GPC6: variants seen among roughly 807,000 people sequenced by gnomAD.
GPC6 encodes glypican 6, also known as glypican-6.
A neutral mutation model predicts 55.2 loss-of-function variants in GPC6; 14 were observed. The observed-to-expected ratio is 0.25, with a 90% CI of 0.17 to 0.40. The LOEUF is 0.40. Among genes scored for constraint, GPC6 ranks in the 10% least tolerant of loss-of-function variants. GPC6 has a pLI of 1.00. For missense variants in GPC6, 641 were observed against 708.5 expected (o/e 0.90, Z 1.08); for synonymous variants, 278 against 259.6 (o/e 1.07, Z -0.68).
chr13:93,375,054 T>C (rs889546352), intron 1 of GPC6, among the ~76,000 whole-genome samples: 1 of 152,222 alleles, frequency 6.6e-6, no homozygotes, highest in Admixed American at 6.5e-5. Context: ...TTTAATTGCT[T>C]CGTGCCACTT....
At position 93,766,441 on chromosome 13, in the gene GPC6, T is replaced by C. The variant is rs1005951953; in HGVS notation, c.320-63713T>C. Among the ~76,000 whole-genome samples, 3 of 152,310 alleles carry C rather than the reference T, an allele frequency of 2.0e-5. No individual in the cohort carries two copies. The East Asian group carries it at 5.8e-4, about 29-fold the overall frequency. ...GCATTGTGCCCATCGTTAACAATAC[T>C]ATATTGTGCATTTAAAATTTTGTTA... is the stretch of plus-strand genomic sequence containing the variant. On this transcript the variant is annotated intron_variant, in intron 2 of 8. Coordinates refer to ENST00000377047, the MANE Select transcript of GPC6 (RefSeq NM_005708.5).
At chr13:94,085,321 C>CAAAAAAAAA (rs33967804) in intron 4 of GPC6, among the ~76,000 whole-genome samples, 1 of 87,078 alleles carries the variant, frequency 1.1e-5, no homozygotes, top group African/African-American at 4.3e-5. Context: ...GATTCTGTCT[C>CAAAAAAAAA]AAAAAAAAAA....
At chr13:93,767,490 G>C (rs1045174812) in intron 2 of GPC6, among the ~76,000 whole-genome samples, 1 of 152,232 alleles carries the variant, frequency 6.6e-6, no homozygotes, top group East Asian at 1.9e-4. Context: ...TTATCAGTCA[G>C]AAAATTCTCT....
chr13:94,317,946 A>G (rs1215677930), intron 6 of GPC6, among the ~76,000 whole-genome samples: 3 of 152,164 alleles, frequency 2.0e-5, no homozygotes, highest in African/African-American at 7.2e-5. Flanking sequence ...CAACTCAGAG[A>G]TTGTTACAAT....
chr13:94,024,831 G>A (rs1882832413), intron 3 of GPC6, among the ~76,000 whole-genome samples: 1 of 152,134 alleles, frequency 6.6e-6, no homozygotes, highest in African/African-American at 2.4e-5. Context: ...ACAATTGAAT[G>A]CTAAGATGTA....
chr13:93,807,582 C>T (rs530790970), intron 2 of GPC6, among the ~76,000 whole-genome samples: 39 of 152,288 alleles, frequency 2.6e-4, no homozygotes, highest in East Asian at 5.8e-4. Context: ...AACAAGTTTC[C>T]GGTTGGTTCT....
intron 3 of GPC6, among the ~76,000 whole-genome samples, chr13:93,877,050 G>A (rs1874633641): frequency 6.6e-6 from 1 of 152,000 alleles, no homozygotes; most frequent in Non-Finnish European, 1.5e-5. Context: ...ACAAATTGTA[G>A]GAATGGGTAT....
chr13:93,317,785 A>C (rs1594092807), intron 1 of GPC6, among the ~76,000 whole-genome samples: 1 of 152,164 alleles, frequency 6.6e-6, no homozygotes, highest in East Asian at 1.9e-4. Context: ...TTGAAATCCA[A>C]CATCAAGTAT....
At chr13:93,493,554 C>T (rs1234342239) in intron 1 of GPC6, among the ~76,000 whole-genome samples, 2 of 121,808 alleles carry the variant, frequency 1.6e-5, no homozygotes, top group Non-Finnish European at 3.5e-5. Flanking sequence ...TTATTTCTTG[C>T]CTTCTGCTAG....
chr13:94,135,029 G>A (rs959296378), intron 4 of GPC6, among the ~76,000 whole-genome samples: 29 of 152,138 alleles, frequency 1.9e-4, no homozygotes, highest in African/African-American at 6.5e-4. Context: ...AATAGCCGTT[G>A]CCTCTCATAA....
intron 2 of GPC6, among the ~76,000 whole-genome samples, chr13:93,713,771 TATG>T (rs1422395192): frequency 1.3e-5 from 2 of 151,724 alleles, no homozygotes; most frequent in Non-Finnish European, 3.0e-5. Context: ...TACAGCAGTT[TATG>T]ATATTTTTAT....
chr13:93,530,692 A>G (rs1881832633), intron 1 of GPC6, among the ~76,000 whole-genome samples: 1 of 152,196 alleles, frequency 6.6e-6, no homozygotes, highest in African/African-American at 2.4e-5. Flanking sequence ...ATAAATTTAC[A>G]ATTAAATTAT....
chr13:94,040,108 T>C (rs1392409784), intron 4 of GPC6, among the ~76,000 whole-genome samples: 1 of 151,906 alleles, frequency 6.6e-6, no homozygotes, highest in African/African-American at 2.4e-5. Context: ...GTTATGACTT[T>C]TTGCAATTCT....
chr13:93,454,817 G>C (rs2813622), intron 1 of GPC6, among the ~76,000 whole-genome samples: 93,801 of 152,156 alleles, frequency 0.62, 30,070 homozygotes, highest in Middle Eastern at 0.75. Context: ...GTCGATGGGA[G>C]TGGGCGCCCT....
At chr13:93,428,089 A>G (rs1877217070) in intron 1 of GPC6, among the ~76,000 whole-genome samples, 1 of 152,162 alleles carries the variant, frequency 6.6e-6, no homozygotes, top group Non-Finnish European at 1.5e-5. Flanking sequence ...GTACCATCCT[A>G]GTTTTTGGAT....
intron 4 of GPC6, among the ~76,000 whole-genome samples, chr13:94,113,151 G>A (rs1346191709): frequency 6.6e-6 from 1 of 152,116 alleles, no homozygotes; most frequent in Non-Finnish European, 1.5e-5. Context: ...CATTCTGATG[G>A]AGCAGGTCAC....
intron 1 of GPC6, among the ~76,000 whole-genome samples, chr13:93,469,399 G>A (rs773304783): frequency 2.6e-5 from 4 of 152,052 alleles, no homozygotes; most frequent in Non-Finnish European, 5.9e-5. Flanking sequence ...GGATAAATAA[G>A]TTCATTGCAG....
In GPC6 at chr13:93,358,117, C is replaced by T. The variant is rs147862108; in HGVS notation, c.160+130501C>T. 2.4e-3 allele frequency among the ~76,000 whole-genome samples: 366 copies of T among 152,220 alleles called. 4 individuals carry two copies. Among genetic ancestry groups the T allele is most frequent in the African/African-American group, 8.4e-3 (349 of 41,534 alleles). ...AATCCAGCATTTTGGGAGGCCAAGGCGGGAAGATCACTTCCATTCAGGAGT... is the reference window on the plus strand; with the variant it reads ...AATCCAGCATTTTGGGAGGCCAAGGTGGGAAGATCACTTCCATTCAGGAGT... On this transcript the variant is annotated intron_variant, in intron 1 of 8. Coordinates refer to ENST00000377047, the MANE Select transcript of GPC6 (RefSeq NM_005708.5).
At chr13:94,164,116 ACTTCAT>A (rs927959952) in intron 4 of GPC6, among the ~76,000 whole-genome samples, 2 of 152,220 alleles carry the variant, frequency 1.3e-5, no homozygotes, top group African/African-American at 4.8e-5. Flanking sequence ...TGGAGCCTTA[ACTTCAT>A]CACATACCAA....
Sources: gnomAD v4.1 joint callset for allele counts (sites outside exome capture counted in the v4.1 genomes callset) on GRCh38, gnomAD v4.1.1 for gene constraint, MANE v1.5 for transcripts, NCBI Gene and HGNC (gene_info 2026-07-23, HGNC 2026-07-21) for gene names.